NEIL3: variants seen among roughly 807,000 people sequenced by gnomAD.
The protein encoded by NEIL3 is endonuclease 8-like 3.
Under a neutral mutation model 57.5 loss-of-function variants are expected in NEIL3, and 48 were observed. That is an observed-to-expected ratio of 0.83 (90% confidence interval 0.66 to 1.06). NEIL3 has a LOEUF of 1.06. NEIL3 is among the 50% of genes least tolerant of loss of function. The probability of loss-of-function intolerance (pLI) is 0.00; values close to 1 mark genes in which losing one functional copy is unlikely to be tolerated. For missense variants in NEIL3, 717 were observed against 739.1 expected, an observed-to-expected ratio of 0.97 and a Z score of 0.35; for synonymous variants, 261 against 253.2, an observed-to-expected ratio of 1.03 and a Z score of -0.29.
downstream of NEIL3, among the ~76,000 whole-genome samples, chr4:177,363,103 T>C (rs1307600842): frequency 6.6e-6 from 1 of 152,112 alleles, no homozygotes; most frequent in East Asian, 1.9e-4. Context: ...CGTGTAGGCG[T>C]TTAAAAGAGA....
chr4:177,319,858 T>G (rs963555630), intron 1 of NEIL3, among the ~76,000 whole-genome samples: 3 of 152,082 alleles, frequency 2.0e-5, no homozygotes, highest in Non-Finnish European at 4.4e-5. Context: ...GCTAGAAAAT[T>G]TCACAGGGTA....
intron 6 of NEIL3, among the ~76,000 whole-genome samples, chr4:177,342,511 T>C (rs1454219188): frequency 3.3e-5 from 5 of 152,044 alleles, no homozygotes; most frequent in Non-Finnish European, 5.9e-5. Context: ...GTAGTACCAG[T>C]ATGACATGAA....
intron 2 of NEIL3, among the ~76,000 whole-genome samples, chr4:177,323,991 C>T (rs1042856215): frequency 6.6e-6 from 1 of 152,164 alleles, no homozygotes; most frequent in Non-Finnish European, 1.5e-5. Flanking sequence ...CTTTCAGTTT[C>T]CTGCAGCCAT....
chr4:177,353,419 C>A lies in NEIL3; in HGVS notation c.1151C>A (p.Ala384Glu). The A allele has an allele frequency of 6.2e-7, 1 of 1,613,802 alleles. No individual in the cohort carries two copies. Among genetic ancestry groups the A allele is most frequent in the Non-Finnish European group, 8.5e-7 (1 of 1,179,870 alleles). Residue 384 changes from alanine (A) to glutamate (E), a missense_variant, in exon 8 of 10, where the codon GCA becomes GAA. By Grantham distance (107) the Ala-to-Glu change is moderately radical. Transcript: ENST00000264596. ...HTEVKINRKT[A>E]FGTTTLVLTD... ...GAAGTCAAGATCAACAGAAAAACTG[C>A]ATTTGGAACTACAACTCTTGTCTTG...
chr4:177,356,027 A>C (rs1192346404), intron 8 of NEIL3, among the ~76,000 whole-genome samples: 1 of 152,242 alleles, frequency 6.6e-6, no homozygotes, highest in South Asian at 2.1e-4. Flanking sequence ...ATAGAAGTTC[A>C]TTAAGGAGTT....
chr4:177,354,281 A>G (rs1406069846), intron 8 of NEIL3: 1 of 152,458 alleles, frequency 6.6e-6, no homozygotes, highest in South Asian at 2.1e-4. Context: ...ATAACCATAC[A>G]CATGATCAAT....
intron 7 of NEIL3, 89 bp from the exon 8 acceptor site, chr4:177,353,219 A>G: frequency 8.6e-7 from 1 of 1,165,294 alleles, no homozygotes; most frequent in South Asian, 1.4e-5. Context: ...AAAGTGAAGT[A>G]AATTTTTTAA....
At chr4:177,363,061 A>G (rs1735641606), downstream of NEIL3, 1 of 152,224 alleles carries the variant, frequency 6.6e-6, no homozygotes, top group African/African-American at 2.4e-5. Context: ...GATGCAGACT[A>G]TAAAAGTAAC....
chr4:177,362,175 A>G (rs1222748948), intron 9 of NEIL3, 114 bp from the exon 10 acceptor site: 2 of 618,558 alleles, frequency 3.2e-6, no homozygotes, highest in Non-Finnish European at 5.1e-6. Context: ...ACAATGTCAA[A>G]TTAATGATAA....
Position 177,341,461 on chromosome 4 carries a change from T to G in NEIL3, c.703-15T>G, listed in dbSNP as rs766009569. The G allele has an allele frequency of 5.2e-6, 4 of 763,156 alleles. No homozygotes were observed. In the South Asian group the frequency reaches 6.8e-5, roughly 13 times the overall value. 47.3% of individuals were successfully genotyped at this position (763,156 alleles called of 1,614,324 possible). A position where few individuals can be genotyped will look rare whatever the true frequency, so the allele number is the denominator to read the frequency against. The stretch of plus-strand genomic sequence containing the variant: ...TTTGTGGATAACAGAATTTTTTGGT[T>G]TTTTTTTTTTTTAGTGCCGTAAAGC... On this transcript the variant is annotated splice_polypyrimidine_tract_variant and intron_variant, in intron 5 of 9. Coordinates refer to ENST00000264596, the MANE Select transcript of NEIL3 (RefSeq NM_018248.3).
intron 1 of NEIL3, among the ~76,000 whole-genome samples, chr4:177,316,222 T>C (rs1734571392): frequency 6.6e-6 from 1 of 152,104 alleles, no homozygotes; most frequent in Non-Finnish European, 1.5e-5. Flanking sequence ...CTACAGAAAG[T>C]GAAACCTTGG....
rs77622138 is a variant in NEIL3 at position 177,358,257 on chromosome 4, C to T, written c.1461-2246C>T. On this transcript the variant is annotated intron_variant, in intron 8 of 9. Transcript: ENST00000264596. ...TGCTGCTTCTGGTCAGTGGACCACA[C>T]TCTGAGTACCAAGAATAAGATCACA... Among the ~76,000 whole-genome samples the T allele has an allele frequency of 6.2e-3, 944 of 152,224 alleles. 47 individuals carry two copies. The East Asian group carries it at 0.12, about 20-fold the overall frequency.
At chr4:177,322,314 C>A in intron 1 of NEIL3, 145 bp from the exon 2 acceptor site, 1 of 1,122,778 alleles carries the variant, frequency 8.9e-7, no homozygotes, top group Non-Finnish European at 1.3e-6. Context: ...CAGCCGATTA[C>A]ATTACATGAC....
intron 5 of NEIL3, among the ~76,000 whole-genome samples, chr4:177,340,769 A>G (rs1378717887): frequency 6.6e-6 from 1 of 152,128 alleles, no homozygotes; most frequent in Non-Finnish European, 1.5e-5. Flanking sequence ...GGGCTTTTAA[A>G]TTTTCACAGT....
chr4:177,368,259 G>A, the NEIL3 span, among the ~76,000 whole-genome samples: 3 of 152,000 alleles, frequency 2.0e-5, no homozygotes, highest in African/African-American at 4.8e-5. Flanking sequence ...ATTCCCATAA[G>A]TTCATTTTAA....
At chr4:177,311,066 A>AT (rs1016435970) in intron 1 of NEIL3, among the ~76,000 whole-genome samples, 20 of 151,406 alleles carry the variant, frequency 1.3e-4, no homozygotes, top group South Asian at 6.3e-4. Flanking sequence ...CTCTGTACCT[A>AT]TTTTTTTTTA....
chr4:177,363,629 T>G (rs1370641470), downstream of NEIL3, among the ~76,000 whole-genome samples: 1 of 152,208 alleles, frequency 6.6e-6, no homozygotes, highest in African/African-American at 2.4e-5. Flanking sequence ...AAAAAGGACT[T>G]CCAGGAAGTC....
intron 2 of NEIL3, among the ~76,000 whole-genome samples, chr4:177,328,915 A>G (rs1225371836): frequency 6.6e-6 from 1 of 152,182 alleles, no homozygotes; most frequent in Non-Finnish European, 1.5e-5. Context: ...TGTTGTTGCA[A>G]TATACGTTTT....
Position 177,336,262 on chromosome 4 carries a change from G to A in NEIL3, c.568G>A (p.Val190Ile). The A allele has an allele frequency of 6.2e-7, 1 of 1,614,206 alleles. No homozygotes were observed. Among genetic ancestry groups the A allele is most frequent in the Middle Eastern group, 1.6e-4 (1 of 6,062 alleles). Residue 190 changes from valine to isoleucine, a missense_variant, in exon 4 of 10, where the codon GTA becomes ATA. By Grantham distance (29) the Val-to-Ile change is conservative. Transcript: ENST00000264596. The stretch of plus-strand genomic sequence containing the variant: ...AATGGATCAGAACGTATTGCCTGGA[G>A]TAGGGAACATCATCAAAAATGAAGC... ...VLMDQNVLPG[V>I]GNIIKNEALF...
Sources: gnomAD v4.1 joint callset for allele counts (sites outside exome capture counted in the v4.1 genomes callset) on GRCh38, gnomAD v4.1.1 for gene constraint, MANE v1.5 for transcripts, NCBI Gene and HGNC (gene_info 2026-07-23, HGNC 2026-07-21) for gene names.